STXBP6: variants seen among roughly 807,000 people sequenced by gnomAD.
STXBP6 encodes syntaxin-binding protein 6.
STXBP6 carries 21 observed loss-of-function variants against 26.9 expected under a neutral mutation model. The observed-to-expected ratio is 0.78, with a 90% confidence interval of 0.55 to 1.12. The LOEUF is 1.12. Among genes scored for constraint, STXBP6 ranks in the 50% most tolerant of loss-of-function variants. STXBP6 has a pLI of 0.00. For synonymous variants in STXBP6, 97 were observed against 92.6 expected, an observed-to-expected ratio of 1.05 and a Z score of -0.27; for missense variants, 232 against 257.9, an observed-to-expected ratio of 0.90 and a Z score of 0.69.
At position 25,008,903 on chromosome 14, in the gene STXBP6, C is replaced by A. The variant is rs529574768; in HGVS notation, c.-32-34053G>T. Among the ~76,000 whole-genome samples the A allele has an allele frequency of 3.2e-3, 486 of 152,226 alleles. 2 individuals carry two copies. The highest frequency in any genetic ancestry group is 5.7e-3 in the Non-Finnish European group (391 of 68,002). Reference sequence around the variant, plus strand: ...GAAGAGTCACTCTAACATCTTCCACCAAGACTTTCTTCACAAATACTGTGG... The same window carrying A: ...GAAGAGTCACTCTAACATCTTCCACAAAGACTTTCTTCACAAATACTGTGG... On this transcript the variant is annotated intron_variant, in intron 1 of 5. Coordinates refer to ENST00000323944, the MANE Select transcript of STXBP6 (RefSeq NM_001394410.1).
At chr14:25,020,596 GACATTC>G (rs1431647208) in intron 1 of STXBP6, among the ~76,000 whole-genome samples, 21 of 152,002 alleles carry the variant, frequency 1.4e-4, no homozygotes, top group African/African-American at 4.8e-4. Context: ...CACATTCAAC[GACATTC>G]TCTTCCACTC....
chr14:24,839,183 A>G (rs1411881404), intron 4 of STXBP6, among the ~76,000 whole-genome samples: 2 of 152,098 alleles, frequency 1.3e-5, no homozygotes, highest in East Asian at 3.9e-4. Context: ...TTTTAGACAT[A>G]TCTGTGTTGA....
chr14:24,875,607 A>G (rs1439169721), intron 2 of STXBP6, among the ~76,000 whole-genome samples: 1 of 152,190 alleles, frequency 6.6e-6, no homozygotes, highest in Non-Finnish European at 1.5e-5. Context: ...TATGCTCATA[A>G]CTTTCCTAAA....
At chr14:24,983,192 G>A (rs1017974264) in intron 1 of STXBP6, among the ~76,000 whole-genome samples, 11 of 152,156 alleles carry the variant, frequency 7.2e-5, no homozygotes, top group Non-Finnish European at 4.4e-5. Flanking sequence ...CTTGAAAAGT[G>A]AATTGAACCA....
At chr14:24,887,309 G>C (rs1192242062) in intron 2 of STXBP6, among the ~76,000 whole-genome samples, 1 of 152,000 alleles carries the variant, frequency 6.6e-6, no homozygotes, top group East Asian at 1.9e-4. Flanking sequence ...TAGCAACTAA[G>C]GAATTCTCAA....
At chr14:24,932,473 T>A (rs142615489) in intron 2 of STXBP6, among the ~76,000 whole-genome samples, 2 of 152,130 alleles carry the variant, frequency 1.3e-5, no homozygotes, top group East Asian at 3.9e-4. Context: ...TGAGGTATGA[T>A]TGCGCCATTG....
intron 2 of STXBP6, among the ~76,000 whole-genome samples, chr14:24,933,179 A>C (rs2072480595): frequency 6.6e-6 from 1 of 152,112 alleles, no homozygotes; most frequent in Non-Finnish European, 1.5e-5. Context: ...TGTCCCTATA[A>C]AAAATACAAA....
chr14:24,863,277 G>A (rs944014628), intron 2 of STXBP6, among the ~76,000 whole-genome samples: 1 of 152,074 alleles, frequency 6.6e-6, no homozygotes, highest in African/African-American at 2.4e-5. Flanking sequence ...ATAAATCCAT[G>A]AGGGAATGAA....
At chr14:24,900,937 A>C (rs960757288) in intron 2 of STXBP6, among the ~76,000 whole-genome samples, 4 of 152,166 alleles carry the variant, frequency 2.6e-5, no homozygotes, top group Non-Finnish European at 5.9e-5. Flanking sequence ...GACAGTAAAA[A>C]CTGGGATGTA....
intron 2 of STXBP6, among the ~76,000 whole-genome samples, chr14:24,868,527 G>GA (rs1175894594): frequency 2.6e-5 from 4 of 152,266 alleles, no homozygotes; most frequent in African/African-American, 9.6e-5. Flanking sequence ...CCCTCAGCAG[G>GA]AAAATGGATA....
chr14:25,001,085 G>C (rs1215096066), intron 1 of STXBP6, among the ~76,000 whole-genome samples: 1 of 152,110 alleles, frequency 6.6e-6, no homozygotes, highest in Non-Finnish European at 1.5e-5. Context: ...CTTTACCTCT[G>C]CATAACCATG....
intron 2 of STXBP6, among the ~76,000 whole-genome samples, chr14:24,960,573 T>C (rs1216169934): frequency 1.3e-5 from 2 of 152,236 alleles, no homozygotes; most frequent in African/African-American, 2.4e-5. Flanking sequence ...GTATCACATT[T>C]AGAGACTAGC....
chr14:25,005,628 T>C (rs1482277101), intron 1 of STXBP6, among the ~76,000 whole-genome samples: 1 of 152,192 alleles, frequency 6.6e-6, no homozygotes, highest in Non-Finnish European at 1.5e-5. Flanking sequence ...AAACTCAACA[T>C]GGTGATACTA....
chr14:24,823,845 CAA>C (rs1206630947), intron 4 of STXBP6, among the ~76,000 whole-genome samples: 2 of 152,104 alleles, frequency 1.3e-5, no homozygotes, highest in South Asian at 4.1e-4. Context: ...CTAACAAACA[CAA>C]AAATTGGTAG....
chr14:25,045,991 T>G (rs1364506075), intron 1 of STXBP6, among the ~76,000 whole-genome samples: 1 of 152,230 alleles, frequency 6.6e-6, no homozygotes, highest in African/African-American at 2.4e-5. Flanking sequence ...TAGTGCAGTA[T>G]AACTAGTGTT....
At chr14:24,945,437 GCACACAC>G (rs2072953886) in intron 2 of STXBP6, among the ~76,000 whole-genome samples, 1 of 151,998 alleles carries the variant, frequency 6.6e-6, no homozygotes, top group South Asian at 2.1e-4. Context: ...AGGTGTGGTA[GCACACAC>G]CTGTAGTCCC....
intron 4 of STXBP6, among the ~76,000 whole-genome samples, chr14:24,851,669 C>A (rs1389238875): frequency 6.6e-6 from 1 of 151,830 alleles, no homozygotes; most frequent in East Asian, 1.9e-4. Context: ...TTACAATAAA[C>A]ACAGAGAAAA....
rs1026999485 is a variant in STXBP6, at chr14:24,812,456, C to A, written c.*253G>T. ...TTCAAAACATACATATACACACATA[C>A]ACACAGTGGGAGGAGGCAAAAACCC... On this transcript the variant is annotated 3_prime_UTR_variant, in exon 6 of 6. Transcript: ENST00000323944. The A allele has an allele frequency of 1.1e-4, 60 of 535,758 alleles. No individual in the cohort carries two copies. Among genetic ancestry groups the A allele is most frequent in the Middle Eastern group, 5.0e-4 (1 of 2,014 alleles). The allele number at this position is 535,758 out of a possible 1,614,324, so 33.2% of individuals were successfully genotyped here.
At chr14:24,842,031 T>C (rs2068799585) in intron 4 of STXBP6, among the ~76,000 whole-genome samples, 1 of 152,196 alleles carries the variant, frequency 6.6e-6, no homozygotes, top group Non-Finnish European at 1.5e-5. Context: ...AACAGTTTTA[T>C]TATTTCCTGT....
Sources: allele counts gnomAD v4.1 joint callset (sites outside exome capture counted in the v4.1 genomes callset), GRCh38; gene constraint gnomAD v4.1.1; transcripts MANE v1.5; gene names NCBI Gene and HGNC (gene_info 2026-07-23, HGNC 2026-07-21).